The following SH3GL2 variants were observed in gnomAD, a reference collection of about 807,000 sequenced individuals.
The protein encoded by SH3GL2 is SH3 domain containing GRB2 like 2, endophilin A1.
In SH3GL2, 24 loss-of-function variants were observed where a neutral mutation model predicts 46.0. The ratio of observed to expected loss-of-function variants is 0.52; its 90% confidence interval spans 0.38 to 0.73. SH3GL2 has a LOEUF of 0.73. Ranked by LOEUF, SH3GL2 falls within the 30% of genes least tolerant of loss-of-function variation. SH3GL2 has a pLI of 0.00. For synonymous variants in SH3GL2, 196 were observed against 147.1 expected (o/e 1.33, Z -2.40); for missense variants, 413 against 424.2 (o/e 0.97, Z 0.23).
chr9:17,728,371 A>G (rs1224092628), intron 1 of SH3GL2, among the ~76,000 whole-genome samples: 1 of 152,180 alleles, frequency 6.6e-6, no homozygotes, highest in Non-Finnish European at 1.5e-5. Context: ...GTGCTTCATA[A>G]TATAACTTAC....
chr9:17,710,512 CAATG>C (rs1368716680), intron 1 of SH3GL2, among the ~76,000 whole-genome samples: 1 of 151,832 alleles, frequency 6.6e-6, no homozygotes, highest in East Asian at 1.9e-4. Context: ...CAAATTAAAA[CAATG>C]AATTACTATA....
At chr9:17,774,182 C>G (rs1420948330) in intron 3 of SH3GL2, among the ~76,000 whole-genome samples, 3 of 151,982 alleles carry the variant, frequency 2.0e-5, no homozygotes, top group Non-Finnish European at 2.9e-5. Flanking sequence ...TTTATTAGTT[C>G]TGACAGCTTT....
intron 1 of SH3GL2, among the ~76,000 whole-genome samples, chr9:17,730,223 A>G (rs758306765): frequency 5.9e-5 from 9 of 152,186 alleles, no homozygotes; most frequent in Middle Eastern, 3.4e-3. Context: ...CTTTGTAGCA[A>G]TTGTGAATGG....
intron 1 of SH3GL2, among the ~76,000 whole-genome samples, chr9:17,650,805 T>C (rs188835864): frequency 1.3e-5 from 2 of 152,358 alleles, no homozygotes; most frequent in African/African-American, 2.4e-5. Context: ...TAATTCTTTT[T>C]AGGGCATCTT....
At chr9:17,759,702 A>C (rs913564072) in intron 2 of SH3GL2, among the ~76,000 whole-genome samples, 2 of 152,204 alleles carry the variant, frequency 1.3e-5, no homozygotes, top group Non-Finnish European at 2.9e-5. Flanking sequence ...GGGGAACCTT[A>C]GAAATTGGTC....
chr9:17,698,571 A>G (rs1043578496), intron 1 of SH3GL2, among the ~76,000 whole-genome samples: 2 of 152,206 alleles, frequency 1.3e-5, no homozygotes, highest in African/African-American at 4.8e-5. Context: ...ATGAAGAGAT[A>G]AAATTCCATG....
intron 1 of SH3GL2, among the ~76,000 whole-genome samples, chr9:17,623,561 A>G (rs563950868): frequency 6.6e-6 from 1 of 152,282 alleles, no homozygotes; most frequent in East Asian, 1.9e-4. Flanking sequence ...GTAATCGGAG[A>G]ATGAAGGTTC....
Position 17,789,377 on chromosome 9 carries a change from C to T in SH3GL2, c.466-15C>T. 1 of 1,611,532 alleles carries T rather than the reference C, an allele frequency of 6.2e-7. No individual in the cohort carries two copies. The highest frequency in any genetic ancestry group is 8.5e-7 in the Non-Finnish European group (1 of 1,178,236). ...AAGCCCTTTCAAAGCCTATTCCTGCCCTTGACTTTTGCAGCATCATCTAAA... is the reference window on the plus strand; with the variant it reads ...AAGCCCTTTCAAAGCCTATTCCTGCTCTTGACTTTTGCAGCATCATCTAAA... On this transcript the variant is annotated splice_polypyrimidine_tract_variant and intron_variant, in intron 5 of 8. Coordinates refer to ENST00000380607, the MANE Select transcript of SH3GL2 (RefSeq NM_003026.5).
chr9:17,682,917 A>G (rs539028716), intron 1 of SH3GL2, among the ~76,000 whole-genome samples: 4 of 152,088 alleles, frequency 2.6e-5, no homozygotes, highest in African/African-American at 7.2e-5. Flanking sequence ...CCTTCTGTGA[A>G]CATGCTTCTG....
chr9:17,774,814 G>A (rs545169868), intron 3 of SH3GL2, among the ~76,000 whole-genome samples: 1 of 152,256 alleles, frequency 6.6e-6, no homozygotes, highest in African/African-American at 2.4e-5. Context: ...GAATGAGCAG[G>A]AAATTTTCCT....
At chr9:17,592,636 A>T (rs1375352447) in intron 1 of SH3GL2, among the ~76,000 whole-genome samples, 2 of 152,194 alleles carry the variant, frequency 1.3e-5, no homozygotes, top group African/African-American at 4.8e-5. Context: ...CTAAATTAGA[A>T]TGGAAGAAGA....
Position 17,624,248 on chromosome 9 carries a change from A to G in SH3GL2, c.45+44961A>G, listed in dbSNP as rs144881867. Among the ~76,000 whole-genome samples the G allele has an allele frequency of 3.4e-3, 522 of 152,298 alleles. 1 individual carries two copies. The highest frequency in any genetic ancestry group is 0.012 in the African/African-American group (500 of 41,572). On this transcript the variant is annotated intron_variant, in intron 1 of 8. Coordinates refer to ENST00000380607, the MANE Select transcript of SH3GL2 (RefSeq NM_003026.5). ...TGCCCATCGGTGGCGATGATTTTTA[A>G]CATCCTTTCACAGTGTTGTCTAGTT...
intron 5 of SH3GL2, among the ~76,000 whole-genome samples, chr9:17,788,176 A>T (rs1316754715): frequency 6.6e-6 from 1 of 152,098 alleles, no homozygotes; most frequent in Non-Finnish European, 1.5e-5. Context: ...CCATAACTTG[A>T]ACTAGGGCCT....
intron 1 of SH3GL2, among the ~76,000 whole-genome samples, chr9:17,736,563 T>G: frequency 6.6e-6 from 1 of 152,284 alleles, no homozygotes; most frequent in East Asian, 1.9e-4. Context: ...TTCCTTTGGC[T>G]TAGGAAGGAA....
intron 1 of SH3GL2, among the ~76,000 whole-genome samples, chr9:17,645,151 C>CTTTTTTTTTTTTTTTTTTTTTTTTTTTT (rs57611978): frequency 2.9e-5 from 2 of 68,778 alleles, no homozygotes; most frequent in Non-Finnish European, 2.7e-5. Flanking sequence ...GCAAACGCTG[C>CTTTTTTTTTTTTTTTTTTTTTTTTTTTT]TTTTTTTTTT....
chr9:17,628,576 T>C (rs990586174), intron 1 of SH3GL2, among the ~76,000 whole-genome samples: 1 of 152,144 alleles, frequency 6.6e-6, no homozygotes, highest in African/African-American at 2.4e-5. Flanking sequence ...AGAAGTAGAG[T>C]TAACAGCATA....
chr9:17,792,749 A>T (rs1824168676), intron 7 of SH3GL2, among the ~76,000 whole-genome samples: 1 of 152,118 alleles, frequency 6.6e-6, no homozygotes, highest in South Asian at 2.1e-4. Context: ...CAGCTTCCTT[A>T]TGGAGAGATA....
At chr9:17,712,349 T>C (rs533586911) in intron 1 of SH3GL2, among the ~76,000 whole-genome samples, 1 of 151,972 alleles carries the variant, frequency 6.6e-6, no homozygotes, top group South Asian at 2.1e-4. Context: ...ACTTGTGATT[T>C]ATAATCTTGG....
At chr9:17,668,656 A>ATTTTG (rs1820400894) in intron 1 of SH3GL2, among the ~76,000 whole-genome samples, 1 of 151,682 alleles carries the variant, frequency 6.6e-6, no homozygotes, top group African/African-American at 2.4e-5. Context: ...AGAACCATTT[A>ATTTTG]TTTTATTTTA....
Sources: gnomAD v4.1 joint callset for allele counts (sites outside exome capture counted in the v4.1 genomes callset) on GRCh38, gnomAD v4.1.1 for gene constraint, MANE v1.5 for transcripts, NCBI Gene and HGNC (gene_info 2026-07-23, HGNC 2026-07-21) for gene names.